Variants in PLCE1 observed in about 807,000 individuals in gnomAD.
PLCE1 encodes the protein phospholipase C epsilon 1.
A neutral mutation model predicts 242.8 loss-of-function variants in PLCE1; 119 were observed. The observed-to-expected ratio is 0.49, with a 90% CI of 0.42 to 0.57. The LOEUF is 0.57. Ranked by LOEUF, PLCE1 falls within the 20% of genes least tolerant of loss-of-function variation. The pLI is 0.00. For synonymous variants in PLCE1, 945 were observed against 1,017.4 expected (o/e 0.93, Z 1.35); for missense variants, 2,441 against 2,788.8 (o/e 0.88, Z 2.81).
chr10:94,129,165 T>C (rs1211319729), intron 2 of PLCE1, among the ~76,000 whole-genome samples: 1 of 152,054 alleles, frequency 6.6e-6, no homozygotes, highest in Non-Finnish European at 1.5e-5. Flanking sequence ...GATGGAACAA[T>C]GAGATGACAA....
chr10:94,024,107 T>A (rs1257141583), intron 1 of PLCE1, among the ~76,000 whole-genome samples: 4 of 152,166 alleles, frequency 2.6e-5, no homozygotes, highest in African/African-American at 9.7e-5. Flanking sequence ...CACACTTAAA[T>A]CCATGTGCAC....
At chr10:94,174,327 A>G (rs1224787229) in intron 4 of PLCE1, among the ~76,000 whole-genome samples, 1 of 152,226 alleles carries the variant, frequency 6.6e-6, no homozygotes, top group Non-Finnish European at 1.5e-5. Context: ...GAAAAATTTC[A>G]ATTAATAAAT....
At chr10:94,080,485 G>A (rs1189286343) in intron 2 of PLCE1, among the ~76,000 whole-genome samples, 1 of 152,206 alleles carries the variant, frequency 6.6e-6, no homozygotes, top group East Asian at 1.9e-4. Flanking sequence ...CAAGTAAAAT[G>A]TTTCATTTCA....
chr10:94,202,509 C>T (rs866996808), intron 4 of PLCE1, among the ~76,000 whole-genome samples: 4 of 152,154 alleles, frequency 2.6e-5, no homozygotes, highest in African/African-American at 7.2e-5. Context: ...GACGCTACCC[C>T]GACTCCTAAT....
chr10:94,091,387 C>T (rs1323077343), intron 2 of PLCE1, among the ~76,000 whole-genome samples: 1 of 152,188 alleles, frequency 6.6e-6, no homozygotes, highest in African/African-American at 2.4e-5. Context: ...TAGATCTGTG[C>T]TTTTCAAACT....
chr10:94,317,071 C>T (rs1345464575), intron 29 of PLCE1, among the ~76,000 whole-genome samples: 2 of 151,776 alleles, frequency 1.3e-5, no homozygotes, highest in South Asian at 2.1e-4. Flanking sequence ...GCCAACATGG[C>T]GAAACCCCAT....
Position 94,234,634 on chromosome 10 carries a change from G to A in PLCE1, c.2214+322G>A, listed in dbSNP as rs139001770. Among the ~76,000 whole-genome samples the A allele has an allele frequency of 3.9e-3, 596 of 152,312 alleles. 4 individuals are homozygous for A. Among genetic ancestry groups the A allele is most frequent in the African/African-American group, 0.013 (543 of 41,574 alleles). On this transcript the variant is annotated intron_variant, in intron 6 of 32. Transcript: ENST00000371380. ...TTGGGTGGGAATGTCTGGATGCAGG[G>A]GATGAAGACAGTCAATTGAGAGTAT...
intron 2 of PLCE1, among the ~76,000 whole-genome samples, chr10:94,129,658 G>C (rs1032095748): frequency 1.3e-5 from 2 of 152,100 alleles, no homozygotes; most frequent in Non-Finnish European, 2.9e-5. Flanking sequence ...AAAGAAAGTA[G>C]GCCAACCTAT....
chr10:94,005,483 G>A (rs1459821106), intron 1 of PLCE1, among the ~76,000 whole-genome samples: 6 of 152,190 alleles, frequency 3.9e-5, no homozygotes, highest in Non-Finnish European at 8.8e-5. Context: ...GTCAGTTAGA[G>A]AGACATGGAC....
chr10:94,040,386 A>G (rs1564641496), intron 2 of PLCE1, among the ~76,000 whole-genome samples: 4 of 152,120 alleles, frequency 2.6e-5, no homozygotes, highest in Non-Finnish European at 1.5e-5. Context: ...TTTATTATCC[A>G]AACTCTGCAC....
chr10:94,181,800 T>A (rs942731987), intron 4 of PLCE1, among the ~76,000 whole-genome samples: 1 of 128,438 alleles, frequency 7.8e-6, no homozygotes, highest in African/African-American at 4.0e-5. Context: ...TACCTGTAGT[T>A]CCAGCTACTG....
At chr10:94,261,123 G>A (rs771322114) in intron 13 of PLCE1, among the ~76,000 whole-genome samples, 1 of 152,112 alleles carries the variant, frequency 6.6e-6, no homozygotes, top group African/African-American at 2.4e-5. Flanking sequence ...TGCCCTGAAA[G>A]TTCCTTATGC....
chr10:94,305,708 C>T (rs186202564), intron 25 of PLCE1, among the ~76,000 whole-genome samples: 467 of 152,338 alleles, frequency 3.1e-3, no homozygotes, highest in Non-Finnish European at 5.3e-3. Context: ...GTTCCTAACA[C>T]GTCTGTGACT....
intron 2 of PLCE1, among the ~76,000 whole-genome samples, chr10:94,069,958 T>C (rs1450340446): frequency 1.3e-5 from 2 of 152,206 alleles, no homozygotes; most frequent in African/African-American, 4.8e-5. Context: ...AGAGCTCAAC[T>C]GGCAACTCCT....
intron 28 of PLCE1, among the ~76,000 whole-genome samples, chr10:94,313,725 T>C (rs2053466950): frequency 6.6e-6 from 1 of 151,960 alleles, no homozygotes. Flanking sequence ...AGCCTAGACA[T>C]GGCCTAATCT....
At chr10:94,303,664 G>T (rs1466948243) in intron 24 of PLCE1, among the ~76,000 whole-genome samples, 2 of 152,154 alleles carry the variant, frequency 1.3e-5, no homozygotes, top group Non-Finnish European at 2.9e-5. Flanking sequence ...GAAATAGCAA[G>T]AATTGTCCAT....
intron 4 of PLCE1, among the ~76,000 whole-genome samples, chr10:94,224,839 G>A (rs1054426600): frequency 2.3e-4 from 35 of 152,234 alleles, no homozygotes; most frequent in Non-Finnish European, 4.3e-4. Context: ...GAGAGGACAG[G>A]CATGGAGACT....
intron 2 of PLCE1, chr10:94,106,290 T>C (rs1381532684): frequency 6.6e-6 from 1 of 152,248 alleles, no homozygotes. Flanking sequence ...TTATACATAC[T>C]ACAACATGCC....
rs181177770 is a variant in PLCE1, at chr10:94,332,330, G to C, written c.*4387G>C. Reference sequence around the variant, plus strand: ...GGGTACTGTCGCATTTTTCAAAAGCGTTATGTGGATGATTTGACTCAGCAT... The same window carrying C: ...GGGTACTGTCGCATTTTTCAAAAGCCTTATGTGGATGATTTGACTCAGCAT... On this transcript the variant is annotated 3_prime_UTR_variant, in exon 33 of 33. Coordinates refer to ENST00000371380, the MANE Select transcript of PLCE1 (RefSeq NM_016341.4). 1 of 152,076 alleles carries C rather than the reference G, an allele frequency of 6.6e-6. No homozygotes were observed. Among genetic ancestry groups the C allele is most frequent in the Non-Finnish European group, 1.5e-5 (1 of 68,042 alleles). 9.4% of individuals were successfully genotyped at this position (152,076 alleles called of 1,614,324 possible).
Sources: allele counts gnomAD v4.1 joint callset (sites outside exome capture counted in the v4.1 genomes callset), GRCh38; gene constraint gnomAD v4.1.1; transcripts MANE v1.5; gene names NCBI Gene and HGNC (gene_info 2026-07-23, HGNC 2026-07-21).